The following PCYOX1L variants were observed in gnomAD, a reference collection of about 807,000 sequenced individuals.
PCYOX1L encodes the protein prenylcysteine oxidase 1 like, also known as prenylcysteine oxidase 1-like.
In PCYOX1L, 40 loss-of-function variants were observed where a neutral mutation model predicts 44.1. The observed-to-expected ratio is 0.91, with a 90% confidence interval of 0.70 to 1.18. PCYOX1L has a LOEUF of 1.18. Among genes scored for constraint, PCYOX1L ranks in the 50% most tolerant of loss-of-function variants. PCYOX1L has a pLI of 0.00. For synonymous variants in PCYOX1L, 266 were observed against 282.8 expected (o/e 0.94, Z 0.60); for missense variants, 605 against 653.3 (o/e 0.93, Z 0.81).
In PCYOX1L at chr5:149,368,379, C is replaced by G; in HGVS notation, c.1210C>G (p.Arg404Gly). The G allele has an allele frequency of 6.2e-7, 1 of 1,614,198 alleles. No homozygotes were observed. Among genetic ancestry groups the G allele is most frequent in the Non-Finnish European group, 8.5e-7 (1 of 1,180,038 alleles). ...WRVQSPKPLF[R>G]TQLKTLFRSY... ...AGTCCAGTCCCCCAAGCCCCTCTTTCGGACCCAGCTAAAGACCCTGTTCCG... is the reference window on the plus strand; with the variant it reads ...AGTCCAGTCCCCCAAGCCCCTCTTTGGGACCCAGCTAAAGACCCTGTTCCG... The change falls in exon 6 of 6, where the codon CGG becomes GGG. Residue 404 changes from arginine (R) to glycine (G), a missense_variant. By Grantham distance (125) the Arg-to-Gly change is moderately radical (BLOSUM62 -2). Coordinates refer to ENST00000274569, the MANE Select transcript of PCYOX1L (RefSeq NM_024028.4).
Position 149,364,213 on chromosome 5 carries a change from A to C in PCYOX1L, c.470+3A>C. 1 of 1,613,810 alleles carries C rather than the reference A, an allele frequency of 6.2e-7. No individual in the cohort carries two copies. The highest frequency in any genetic ancestry group is 8.5e-7 in the Non-Finnish European group (1 of 1,179,942). ...GAGGTCATGGAGAAGTTCATGAGGT[A>C]GGGCTGGCAGAGCTGTGGGGATGGC... is the stretch of plus-strand genomic sequence containing the variant. On this transcript the variant is annotated splice_donor_region_variant and intron_variant, in intron 3 of 5. Coordinates refer to ENST00000274569, the MANE Select transcript of PCYOX1L (RefSeq NM_024028.4).
Position 149,367,431 on chromosome 5 carries a change from G to T in PCYOX1L, c.754G>T (p.Gly252Cys). The T allele has an allele frequency of 4.3e-6, 7 of 1,613,860 alleles. No individual in the cohort carries two copies. Among genetic ancestry groups the T allele is most frequent in the Non-Finnish European group, 5.9e-6 (7 of 1,179,878 alleles). Residue 252 changes from glycine to cysteine, a missense_variant, in exon 5 of 6, where the codon GGT becomes TGT. Transcript: ENST00000274569. ...AGGAGGCAATAAGCTGGTTTGTTCCGGTTTGCTGAAGCTCACCAAGGCCAA... is the reference window on the plus strand; with the variant it reads ...AGGAGGCAATAAGCTGGTTTGTTCCTGTTTGCTGAAGCTCACCAAGGCCAA... ...VEGGNKLVCS[G>C]LLKLTKANVI...
chr5:149,358,268 C>T, intron 1 of PCYOX1L, 112 bp downstream of exon 1: 2 of 1,257,722 alleles, frequency 1.6e-6, no homozygotes, highest in South Asian at 2.6e-5. Context: ...GAGGGGTCCT[C>T]GGAAAAGGAG....
chr5:149,367,886 G>A, intron 5 of PCYOX1L, 107 bp from the exon 6 acceptor site: 2 of 1,224,950 alleles, frequency 1.6e-6, no homozygotes, highest in South Asian at 1.5e-5. Context: ...CAGCCCTGCT[G>A]CACCCTGAGC....
rs1465083903 is a variant in PCYOX1L at position 149,358,286 on chromosome 5, GA to G, written c.88+131del. ...GGGTCCTCGGAAAAGGAGCTGGGTG[GA>G]GGAGAGGCGCCGAAGGGGACGCGGC... On this transcript the variant is annotated intron_variant, in intron 1 of 5. Transcript: ENST00000274569. The G allele has an allele frequency of 2.4e-6, 3 of 1,244,898 alleles. No homozygotes were observed. The African/African-American group carries it at 4.7e-5, about 20-fold the overall frequency. 77.1% of individuals were successfully genotyped at this position (1,244,898 alleles called of 1,614,324 possible). A position where few individuals can be genotyped will look rare whatever the true frequency, so the allele number is the denominator to read the frequency against.
rs556662983 is a variant in PCYOX1L, at chr5:149,361,103, A to C, written c.89-1534A>C. On this transcript the variant is annotated intron_variant, in intron 1 of 5. Transcript: ENST00000274569. ...CATAGCTGGTTTATAGTTCTCTCACAGGACTGTTTAATGATTAGTGTCAGG... is the reference window on the plus strand; with the variant it reads ...CATAGCTGGTTTATAGTTCTCTCACCGGACTGTTTAATGATTAGTGTCAGG... Among the ~76,000 whole-genome samples the C allele has an allele frequency of 6.6e-5, 10 of 152,336 alleles. No homozygotes were observed. In the South Asian group the frequency reaches 1.9e-3, roughly 28 times the overall value.
chr5:149,359,587 C>T (rs995342714), intron 1 of PCYOX1L, among the ~76,000 whole-genome samples: 1 of 152,112 alleles, frequency 6.6e-6, no homozygotes, highest in African/African-American at 2.4e-5. Context: ...GGGCACTCCC[C>T]GTTTTCTTAG....
intron 4 of PCYOX1L, among the ~76,000 whole-genome samples, chr5:149,366,631 G>T (rs1336347612): frequency 6.6e-6 from 1 of 152,218 alleles, no homozygotes; most frequent in African/African-American, 2.4e-5. Flanking sequence ...CTTGTCTATT[G>T]TTCCCTGATA....
At position 149,358,052 on chromosome 5, in the gene PCYOX1L, C is replaced by T. The variant is rs1406200629; in HGVS notation, c.-17C>T. 11 of 1,328,008 alleles carry T rather than the reference C, an allele frequency of 8.3e-6. No homozygotes were observed. Among genetic ancestry groups the T allele is most frequent in the Non-Finnish European group, 9.6e-6 (10 of 1,044,504 alleles). The allele number at this position is 1,328,008 out of a possible 1,614,324, so 82.3% of individuals were successfully genotyped here. On this transcript the variant is annotated 5_prime_UTR_variant, in exon 1 of 6. Transcript: ENST00000274569. ...GCTAGCGCCTGAATCCGGCGTGCTG[C>T]CCGCTCGCCGCCCGCCATGGCCCGC...
intron 4 of PCYOX1L, 42 bp downstream of exon 4, chr5:149,366,195 A>T (rs1758200483): frequency 1.3e-6 from 2 of 1,590,382 alleles, no homozygotes; most frequent in African/African-American, 1.3e-5. Flanking sequence ...CCCCTCCTCC[A>T]CCCAAGGTGC....
intron 1 of PCYOX1L, among the ~76,000 whole-genome samples, chr5:149,361,101 A>C (rs1757995514): frequency 6.6e-6 from 1 of 152,222 alleles, no homozygotes; most frequent in South Asian, 2.1e-4. Context: ...TAGTTCTCTC[A>C]CAGGACTGTT....
At position 149,368,749 on chromosome 5, in the gene PCYOX1L, G is replaced by A; in HGVS notation, c.*95G>A. The A allele has an allele frequency of 7.8e-7, 1 of 1,278,688 alleles. No individual in the cohort carries two copies. The highest frequency in any genetic ancestry group is 1.0e-6 in the Non-Finnish European group (1 of 963,474). The allele number at this position is 1,278,688 out of a possible 1,614,324, so 79.2% of individuals were successfully genotyped here. On this transcript the variant is annotated 3_prime_UTR_variant, in exon 6 of 6. Transcript: ENST00000274569. ...TGAATAAGCCATGCTCGCCCACCAG[G>A]CTTCTTTCTGACCCCTCATGTATCA...
In PCYOX1L at chr5:149,358,072, G is replaced by C. The variant is rs925065683; in HGVS notation, c.4G>C (p.Ala2Pro). Residue 2 changes from alanine to proline, a missense_variant, in exon 1 of 6, where the codon GCC becomes CCC. Coordinates refer to ENST00000274569, the MANE Select transcript of PCYOX1L (RefSeq NM_024028.4). ...TGCTGCCCGCTCGCCGCCCGCCATG[G>C]CCCGCGCAGCCCCGCTGCTCGCCGC... Reference protein sequence around the residue: MARAAPLLAALT... With the variant: MPRAAPLLAALT... 12 of 1,383,650 alleles carry C rather than the reference G, an allele frequency of 8.7e-6. No individual in the cohort carries two copies. In the East Asian group the frequency reaches 3.1e-4, roughly 36 times the overall value. The allele number at this position is 1,383,650 out of a possible 1,614,324, so 85.7% of individuals were successfully genotyped here. A position where few individuals can be genotyped will look rare whatever the true frequency, so the allele number is the denominator to read the frequency against.
rs1561698319 is a variant in PCYOX1L at position 149,358,122 on chromosome 5, C to CGCT, written c.59_61dup (p.Ala20dup). ...CGTTGACCGCGCTCCTCGCCGCCGCCGCTGCTGGCGGAGATGCCCCGCCGG... is the reference window on the plus strand; with the variant it reads ...CGTTGACCGCGCTCCTCGCCGCCGCCGCTGCTGCTGGCGGAGATGCCCCGCCGG... On this transcript the variant is annotated inframe_insertion, in exon 1 of 6. Transcript: ENST00000274569. The CGCT allele has an allele frequency of 8.2e-6, 12 of 1,454,856 alleles. No homozygotes were observed. In the South Asian group the frequency reaches 1.2e-4, roughly 15 times the overall value. The allele number at this position is 1,454,856 out of a possible 1,614,324, so 90.1% of individuals were successfully genotyped here.
At chr5:149,359,685 A>G (rs752949072) in intron 1 of PCYOX1L, among the ~76,000 whole-genome samples, 3 of 152,186 alleles carry the variant, frequency 2.0e-5, no homozygotes, top group Non-Finnish European at 4.4e-5. Context: ...GGCAACATGG[A>G]GCTCTCTGCC....
Position 149,362,818 on chromosome 5 carries a change from C to G in PCYOX1L, c.270C>G (p.His90Gln), listed in dbSNP as rs754453142. The change falls in exon 2 of 6, where the codon CAC becomes CAG. Residue 90 changes from histidine to glutamine, a missense_variant. By Grantham distance (24) the His-to-Gln change is conservative. Transcript: ENST00000274569. ...CCTCCTTCCACTCCCTGAGCCTGCA[C>G]ATGCAGGACTTCGTCAAGCTGCTGG... Reference protein sequence around the residue: ...GAASFHSLSLHMQDFVKLLGL... With the variant: ...GAASFHSLSLQMQDFVKLLGL... The G allele has an allele frequency of 6.2e-7, 1 of 1,614,090 alleles. No individual in the cohort carries two copies. Among genetic ancestry groups the G allele is most frequent in the Non-Finnish European group, 8.5e-7 (1 of 1,180,044 alleles).
intron 1 of PCYOX1L, among the ~76,000 whole-genome samples, chr5:149,361,388 T>A (rs1193444322): frequency 6.6e-6 from 1 of 152,148 alleles, no homozygotes; most frequent in Non-Finnish European, 1.5e-5. Context: ...AACTGATTGA[T>A]GTCTGTCCAG....
intron 4 of PCYOX1L, among the ~76,000 whole-genome samples, chr5:149,366,465 T>C (rs190583231): frequency 2.8e-4 from 43 of 152,358 alleles, no homozygotes; most frequent in Non-Finnish European, 1.5e-5. Flanking sequence ...CTCTACACTT[T>C]GGTTTCAAGA....
chr5:149,366,924 C>A (rs1218471079), intron 4 of PCYOX1L, among the ~76,000 whole-genome samples: 1 of 152,158 alleles, frequency 6.6e-6, no homozygotes, highest in Non-Finnish European at 1.5e-5. Flanking sequence ...ATTTAAATTG[C>A]ACAATTCAGT....
Sources: allele counts gnomAD v4.1 joint callset (sites outside exome capture counted in the v4.1 genomes callset), GRCh38; gene constraint gnomAD v4.1.1; transcripts MANE v1.5; gene names NCBI Gene and HGNC (gene_info 2026-07-23, HGNC 2026-07-21).